The following RANGAP1 variants were observed in gnomAD, a reference collection of about 807,000 sequenced individuals.
RANGAP1 encodes ran GTPase-activating protein 1.
Under a neutral mutation model 63.5 loss-of-function variants are expected in RANGAP1, and 38 were observed. The observed-to-expected ratio is 0.60, with a 90% CI of 0.46 to 0.78. The LOEUF is 0.78. Among genes scored for constraint, RANGAP1 ranks in the 30% least tolerant of loss-of-function variants. The probability of loss-of-function intolerance (pLI) is 0.00; values close to 1 mark genes in which losing one functional copy is unlikely to be tolerated. For synonymous variants in RANGAP1, 329 were observed against 310.5 expected, an observed-to-expected ratio of 1.06 and a Z score of -0.63; for missense variants, 630 against 740.3, an observed-to-expected ratio of 0.85 and a Z score of 1.73.
rs976477821 is a variant in RANGAP1 at position 41,261,543 on chromosome 22, G to A, written c.518C>T (p.Ser173Phe). 6.2e-7 allele frequency: 1 copy of A among 1,614,268 alleles called. No individual in the cohort carries two copies. The highest frequency in any genetic ancestry group is 8.5e-7 in the Non-Finnish European group (1 of 1,180,052). ...AAALTECHRK[S>F]SAQGKPLALK... The stretch of plus-strand genomic sequence containing the variant: ...GGCCAGAGGCTTGCCTTGGGCACTG[G>A]ATTTCCGGTGACATTCGGTCAGAGC... The change falls in exon 6 of 16, where the codon TCC becomes TTC. Residue 173 changes from serine to phenylalanine, a missense_variant. Around this residue, in one of 3 missense-constraint regions of RANGAP1, gnomAD observed 137 missense variants for 214.3 expected, o/e 0.64. Coordinates refer to ENST00000356244, the MANE Select transcript of RANGAP1 (RefSeq NM_002883.4).
intron 2 of RANGAP1, chr22:41,277,337 C>G: frequency 4.1e-6 from 2 of 484,788 alleles, no homozygotes; most frequent in Non-Finnish European, 6.3e-6. Context: ...CTCGGCCTCC[C>G]AAACTGCTGG....
the RANGAP1 span, among the ~76,000 whole-genome samples, chr22:41,294,042 C>T: frequency 6.6e-6 from 1 of 151,546 alleles, no homozygotes; most frequent in Non-Finnish European, 1.5e-5. Context: ...CTCCTTCTCC[C>T]TCTCCCTCTC....
intron 3 of RANGAP1, 30 bp from the exon 4 acceptor site, chr22:41,268,186 GGA>G: frequency 6.7e-7 from 1 of 1,503,620 alleles, no homozygotes; most frequent in Non-Finnish European, 9.1e-7. Context: ...AGAGTTAGCG[GGA>G]GAGAGACCCC....
chr22:41,279,719 T>C (rs568629444), intron 2 of RANGAP1, among the ~76,000 whole-genome samples: 12 of 150,494 alleles, frequency 8.0e-5, no homozygotes, highest in African/African-American at 2.9e-4. Flanking sequence ...GGAGAATCGC[T>C]TGAACCTGGG....
At chr22:41,271,420 G>C (rs1461044184) in intron 3 of RANGAP1, among the ~76,000 whole-genome samples, 1 of 150,652 alleles carries the variant, frequency 6.6e-6, no homozygotes, top group Non-Finnish European at 1.5e-5. Flanking sequence ...AAAAACGCCG[G>C]GTGCAGAGGC....
chr22:41,302,205 G>A, the RANGAP1 span, among the ~76,000 whole-genome samples: 1 of 151,970 alleles, frequency 6.6e-6, no homozygotes, highest in Non-Finnish European at 1.5e-5. The surrounding 1 kb of genome is among the most constrained non-coding windows in gnomAD (Gnocchi z 5.7). Context: ...GGCGTCGCTG[G>A]CAGGGCCCCC....
intron 13 of RANGAP1, 85 bp downstream of exon 13, chr22:41,250,922 C>A: frequency 1.7e-6 from 2 of 1,152,334 alleles, no homozygotes; most frequent in South Asian, 1.3e-5. Context: ...CTGGGGCTGA[C>A]GAGTTACGGC....
upstream of RANGAP1, among the ~76,000 whole-genome samples, chr22:41,288,240 C>CT (rs922981011): frequency 6.6e-6 from 1 of 152,194 alleles, no homozygotes; most frequent in Admixed American, 6.5e-5. Flanking sequence ...TCATGAGTCT[C>CT]TCCCTCCTGC....
chr22:41,249,496 TG>T (rs139500), intron 14 of RANGAP1, 45 bp from the exon 15 acceptor site: 1,260,048 of 1,609,804 alleles, frequency 0.78, 495,780 homozygotes, highest in African/African-American at 0.94. Flanking sequence ...CAAAGTCACC[TG>T]GGGGGGCCCC....
intron 6 of RANGAP1, among the ~76,000 whole-genome samples, chr22:41,261,025 G>A (rs1273113655): frequency 6.6e-6 from 1 of 152,146 alleles, no homozygotes; most frequent in East Asian, 1.9e-4. Flanking sequence ...TGGCACCTGA[G>A]CCCTGCGGCT....
At chr22:41,252,648 C>A (rs1389206003) in intron 12 of RANGAP1, among the ~76,000 whole-genome samples, 2 of 152,148 alleles carry the variant, frequency 1.3e-5, no homozygotes, top group African/African-American at 4.8e-5. Context: ...TGGGAACTGG[C>A]GGGCTGTACT....
chr22:41,291,462 G>A, the RANGAP1 span, among the ~76,000 whole-genome samples: 2 of 151,860 alleles, frequency 1.3e-5, no homozygotes, highest in Non-Finnish European at 2.9e-5. Context: ...GCCAGGCACT[G>A]TGGCACGTGC....
chr22:41,291,088 C>T (rs1188150167), upstream of RANGAP1, among the ~76,000 whole-genome samples: 1 of 152,216 alleles, frequency 6.6e-6, no homozygotes, highest in Non-Finnish European at 1.5e-5. Flanking sequence ...ACTATTTAAC[C>T]TTGATAAATA....
chr22:41,273,091 C>A, intron 3 of RANGAP1, among the ~76,000 whole-genome samples: 1 of 152,114 alleles, frequency 6.6e-6, no homozygotes, highest in East Asian at 1.9e-4. Flanking sequence ...CCATCGTGCC[C>A]GACTGATCGT....
intron 15 of RANGAP1, 83 bp from the exon 16 acceptor site, chr22:41,246,755 C>G (rs2033062974): frequency 7.7e-7 from 1 of 1,297,508 alleles, no homozygotes; most frequent in South Asian, 1.3e-5. Flanking sequence ...GTGCCAGACT[C>G]ATTTTTGTTA....
At position 41,246,498 on chromosome 22, in the gene RANGAP1, G is replaced by A. The variant is rs965823256; in HGVS notation, c.*105C>T. On this transcript the variant is annotated 3_prime_UTR_variant, in exon 16 of 16. Coordinates refer to ENST00000356244, the MANE Select transcript of RANGAP1 (RefSeq NM_002883.4). ...CATGGGACACAGACCCGCCCTGCCTGTGGCCAGAGTCCTGTCCAAGGCAAT... is the reference window on the plus strand; with the variant it reads ...CATGGGACACAGACCCGCCCTGCCTATGGCCAGAGTCCTGTCCAAGGCAAT... The A allele has an allele frequency of 1.6e-6, 2 of 1,268,012 alleles. No individual in the cohort carries two copies. Among genetic ancestry groups the A allele is most frequent in the Admixed American group, 2.1e-5 (1 of 47,538 alleles). 78.5% of individuals were successfully genotyped at this position (1,268,012 alleles called of 1,614,324 possible).
chr22:41,268,401 G>A (rs929051142), intron 3 of RANGAP1, among the ~76,000 whole-genome samples: 4 of 152,048 alleles, frequency 2.6e-5, no homozygotes, highest in East Asian at 1.9e-4. Flanking sequence ...GATTACAGAC[G>A]TCCACCACTA....
chr22:41,263,784 C>A (rs542244207), intron 5 of RANGAP1, among the ~76,000 whole-genome samples: 1 of 152,346 alleles, frequency 6.6e-6, no homozygotes, highest in African/African-American at 2.4e-5. Flanking sequence ...CCCCTGCTCA[C>A]CCTCACGTCA....
At chr22:41,261,333 G>GC (rs2034157596) in intron 6 of RANGAP1, 113 bp downstream of exon 6, 48 of 1,481,538 alleles carry the variant, frequency 3.2e-5, no homozygotes, top group Non-Finnish European at 4.3e-5. Flanking sequence ...GGCACGTGAC[G>GC]CCCCAGGTCT....
Sources: gnomAD v4.1 joint callset for allele counts (sites outside exome capture counted in the v4.1 genomes callset) on GRCh38, gnomAD v4.1.1 for gene constraint, gnomAD v4.1.1 regional missense constraint, Gnocchi (gnomAD v3.1) non-coding constraint, MANE v1.5 for transcripts, NCBI Gene and HGNC (gene_info 2026-07-23, HGNC 2026-07-21) for gene names.